Variants in PTK2B observed in about 807,000 individuals in gnomAD.
PTK2B encodes the protein protein-tyrosine kinase 2-beta.
In PTK2B, 71 loss-of-function variants were observed where a neutral mutation model predicts 142.9. That is an observed-to-expected ratio of 0.50 (90% CI 0.41 to 0.61). The LOEUF (loss-of-function observed/expected upper bound fraction) is 0.61, where lower values mean the gene tolerates loss of function less well. PTK2B is among the 20% of genes least tolerant of loss of function. The pLI is 0.00. For synonymous variants in PTK2B, 519 were observed against 503.4 expected, an observed-to-expected ratio of 1.03 and a Z score of -0.42; for missense variants, 1,105 against 1,320.4, an observed-to-expected ratio of 0.84 and a Z score of 2.53.
rs973182981 is a variant in PTK2B, at chr8:27,335,112, G to A, written c.-38+9431G>A. Among the ~76,000 whole-genome samples, 6 of 152,338 alleles carry A rather than the reference G, an allele frequency of 3.9e-5. No individual in the cohort carries two copies. The South Asian group carries it at 1.2e-3, about 32-fold the overall frequency. ...GAGATTTACAAGGCAGAGATTGACA[G>A]TTTTTAGTAACTTGACTTTGACCTC... On this transcript the variant is annotated intron_variant, in intron 1 of 30. Transcript: ENST00000346049.
Position 27,419,879 on chromosome 8 carries a change from C to T in PTK2B, c.205-16C>T. Reference sequence around the variant, plus strand: ...GTGGGCACCCCTGAGTCATGCCTCTCTCTTCTCCTCTGCAGGAGATCATCA... The same window carrying T: ...GTGGGCACCCCTGAGTCATGCCTCTTTCTTCTCCTCTGCAGGAGATCATCA... On this transcript the variant is annotated splice_polypyrimidine_tract_variant and intron_variant, in intron 2 of 30. Transcript: ENST00000346049. The T allele has an allele frequency of 6.2e-7, 1 of 1,613,774 alleles. No individual in the cohort carries two copies. The highest frequency in any genetic ancestry group is 8.5e-7 in the Non-Finnish European group (1 of 1,179,832).
In PTK2B at chr8:27,437,783, C is replaced by T. The variant is rs1298486442; in HGVS notation, c.1546C>T (p.Arg516Trp). The part of the protein sequence containing the change: ...PYGELGHYLE[R>W]NKNSLKVLTL... ...CCTGCAGCTGGGCCACTACCTGGAG[C>T]GGAACAAGAACTCCCTGAAGGTGCT... Residue 516 changes from arginine to tryptophan, a missense_variant, in exon 18 of 31, where the codon CGG becomes TGG. Physicochemically the swap from Arg to Trp is moderately radical, Grantham distance 101. Coordinates refer to ENST00000346049, the MANE Select transcript of PTK2B (RefSeq NM_173176.3). The T allele has an allele frequency of 7.4e-6, 12 of 1,612,028 alleles. No individual in the cohort carries two copies. The highest frequency in any genetic ancestry group is 1.3e-5 in the African/African-American group (1 of 74,912).
chr8:27,314,523 G>A lies in PTK2B; in HGVS notation c.-414+1236G>A, dbSNP rs184657346. On this transcript the variant is annotated intron_variant, in intron 3 of 35. Coordinates refer to the PTK2B transcript ENST00000397501. ...TAAGGCCAATTCACACTTCAGCTGC[G>A]ACAGCAAATATCCTCCCCATAGGGC... Among the ~76,000 whole-genome samples, 47 of 152,350 alleles carry A rather than the reference G, an allele frequency of 3.1e-4. 4 individuals carry two copies. The highest frequency in any genetic ancestry group is 2.5e-3 in the East Asian group (13 of 5,188).
At chr8:27,329,487 G>A (rs1331169217) in intron 1 of PTK2B, among the ~76,000 whole-genome samples, 3 of 152,108 alleles carry the variant, frequency 2.0e-5, no homozygotes, top group African/African-American at 4.8e-5. Context: ...ACCCTGCATG[G>A]TAGGTCACTC....
intron 1 of PTK2B, among the ~76,000 whole-genome samples, chr8:27,351,874 C>T (rs1805114001): frequency 2.0e-5 from 3 of 152,204 alleles, no homozygotes; most frequent in Admixed American, 1.3e-4. Flanking sequence ...ACCCACTTCC[C>T]ACGTAGCCCA....
chr8:27,431,084 AG>A, intron 8 of PTK2B, 68 bp downstream of exon 8: 1 of 1,566,658 alleles, frequency 6.4e-7, no homozygotes. Context: ...GGGGGCCAGG[AG>A]GGGGCAGGGA....
intron 2 of PTK2B, among the ~76,000 whole-genome samples, chr8:27,399,667 T>C (rs1335157275): frequency 1.3e-5 from 2 of 152,158 alleles, no homozygotes; most frequent in Admixed American, 6.5e-5. Context: ...TGAGGCATTA[T>C]CTGGGGTCGG....
At chr8:27,406,661 C>CTGGG (rs1207791443) in intron 2 of PTK2B, among the ~76,000 whole-genome samples, 1 of 152,048 alleles carries the variant, frequency 6.6e-6, no homozygotes, top group Non-Finnish European at 1.5e-5. Flanking sequence ...ATGATTGGGG[C>CTGGG]TGGGGCTTGG....
rs1477757324 is a variant in PTK2B, at chr8:27,458,813, G to T, written c.*304G>T. On this transcript the variant is annotated 3_prime_UTR_variant, in exon 31 of 31. Transcript: ENST00000346049. ...TGGTCCATGCAGGGGGCTCCTGGGGGTGGGGAGGTGTCACATGGTGCCCCT... is the reference window on the plus strand; with the variant it reads ...TGGTCCATGCAGGGGGCTCCTGGGGTTGGGGAGGTGTCACATGGTGCCCCT... 6.3e-6 allele frequency: 3 copies of T among 477,252 alleles called. No homozygotes were observed. Among genetic ancestry groups the T allele is most frequent in the African/African-American group, 5.8e-5 (3 of 51,672 alleles). 29.6% of individuals were successfully genotyped at this position (477,252 alleles called of 1,614,324 possible).
At chr8:27,332,273 C>A (rs568734807) in intron 1 of PTK2B, among the ~76,000 whole-genome samples, 7 of 152,238 alleles carry the variant, frequency 4.6e-5, no homozygotes, top group Non-Finnish European at 7.3e-5. Flanking sequence ...TTCAAGCCTT[C>A]CTTTTCTCAT....
At chr8:27,325,966 G>A (rs189471770) in intron 1 of PTK2B, among the ~76,000 whole-genome samples, 1 of 152,254 alleles carries the variant, frequency 6.6e-6, no homozygotes, top group African/African-American at 2.4e-5. Context: ...GGGAGGCTGG[G>A]GGAGGCTAGG....
chr8:27,454,482 C>A, intron 29 of PTK2B, 49 bp from the exon 30 acceptor site: 2 of 1,594,968 alleles, frequency 1.3e-6, no homozygotes, highest in Non-Finnish European at 1.7e-6. Flanking sequence ...AAACCTGGCT[C>A]TCTCCAATAG....
intron 3 of PTK2B, among the ~76,000 whole-genome samples, chr8:27,316,149 A>C (rs573638890): frequency 2.6e-4 from 40 of 152,184 alleles, no homozygotes; most frequent in Non-Finnish European, 5.1e-4. Context: ...AATTTCCTGC[A>C]TCCCACCTCC....
intron 1 of PTK2B, among the ~76,000 whole-genome samples, chr8:27,385,892 CAAA>C (rs71553856): frequency 1.8e-5 from 2 of 110,006 alleles, no homozygotes; most frequent in Non-Finnish European, 1.7e-5. Context: ...GATTCCGTCT[CAAA>C]AAAAAAAAAA....
chr8:27,323,024 T>C (rs1475606959), upstream of PTK2B, among the ~76,000 whole-genome samples: 1 of 152,254 alleles, frequency 6.6e-6, no homozygotes, highest in Non-Finnish European at 1.5e-5. Context: ...TATCCATTCT[T>C]GTGGTTTCAA....
intron 9 of PTK2B, 32 bp from the exon 10 acceptor site, chr8:27,432,228 A>T: frequency 6.2e-7 from 1 of 1,602,404 alleles, no homozygotes; most frequent in Non-Finnish European, 8.5e-7. Flanking sequence ...TGGTAGTGGG[A>T]TGGTCTGAAG....
At chr8:27,452,768 CAG>C in intron 27 of PTK2B, 7 of 293,582 alleles carry the variant, frequency 2.4e-5, no homozygotes, top group Non-Finnish European at 3.8e-5. Flanking sequence ...CTGCTGGCAT[CAG>C]AGAGAGAGGT....
rs768931281 is a variant in PTK2B at position 27,445,871 on chromosome 8, C to T, written c.2292C>T (p.His764=). 2 of 1,614,168 alleles carry T rather than the reference C, an allele frequency of 1.2e-6. No individual in the cohort carries two copies. The highest frequency in any genetic ancestry group is 1.7e-6 in the Non-Finnish European group (2 of 1,180,052). The change falls in exon 24 of 31, where the codon CAC becomes CAT. Residue 764 remains histidine, a synonymous_variant. Coordinates refer to ENST00000346049, the MANE Select transcript of PTK2B (RefSeq NM_173176.3). The stretch of plus-strand genomic sequence containing the variant: ...ATCCATCTCCCGTTAACTCACTGCA[C>T]ACCCCACCTCTCCACCGGCACAATG... ...MEYPSPVNSL[H]TPPLHRHNVF... is the part of the protein sequence containing the mutation.
In PTK2B at chr8:27,432,090, G is replaced by A; in HGVS notation, c.886-170G>A. On this transcript the variant is annotated intron_variant, in intron 9 of 30. Transcript: ENST00000346049. ...TGTGGCCCAGGGAAGCCAAAAGATT[G>A]GACACCCCTGAACTAGAGGATCCTT... 5.4e-6 allele frequency: 3 copies of A among 554,668 alleles called. No individual in the cohort carries two copies. In the Admixed American group the frequency reaches 9.2e-5, roughly 17 times the overall value. 34.4% of individuals were successfully genotyped at this position (554,668 alleles called of 1,614,324 possible).
Sources: gnomAD v4.1 joint callset for allele counts (sites outside exome capture counted in the v4.1 genomes callset) on GRCh38, gnomAD v4.1.1 for gene constraint, MANE v1.5 for transcripts, NCBI Gene and HGNC (gene_info 2026-07-23, HGNC 2026-07-21) for gene names.